The following RBFOX1 variants were observed in gnomAD, a reference collection of about 807,000 sequenced individuals.
RBFOX1 encodes RNA binding fox-1 homolog 1.
A neutral mutation model predicts 57.7 loss-of-function variants in RBFOX1; 8 were observed. That is an observed-to-expected ratio of 0.14 (90% CI 0.08 to 0.25). The LOEUF is 0.25. RBFOX1 is among the 10% of genes least tolerant of loss of function. RBFOX1 has a pLI of 1.00. For missense variants in RBFOX1, 611 were observed against 548.5 expected (o/e 1.11, Z -1.14); for synonymous variants, 326 against 222.4 (o/e 1.47, Z -4.15).
At chr16:6,825,686 G>C (rs1479999455) in intron 3 of RBFOX1, among the ~76,000 whole-genome samples, 1 of 152,106 alleles carries the variant, frequency 6.6e-6, no homozygotes, top group South Asian at 2.1e-4. Flanking sequence ...GGTAACACAA[G>C]GAAAGAACCT....
chr16:7,474,543 C>A (rs531899698), intron 4 of RBFOX1, among the ~76,000 whole-genome samples: 1 of 152,150 alleles, frequency 6.6e-6, no homozygotes, highest in Non-Finnish European at 1.5e-5. Context: ...AAAGCAATTA[C>A]GGTTTTTGCC....
chr16:7,058,455 T>A (rs533189042), intron 4 of RBFOX1, among the ~76,000 whole-genome samples: 2 of 152,206 alleles, frequency 1.3e-5, no homozygotes. Flanking sequence ...CCTACTGAGA[T>A]AAAATCTAGA....
chr16:7,173,824 G>A (rs1034220821), intron 4 of RBFOX1, among the ~76,000 whole-genome samples: 3 of 152,176 alleles, frequency 2.0e-5, no homozygotes, highest in Non-Finnish European at 4.4e-5. Flanking sequence ...TCATACAACT[G>A]TTGTCCTATA....
chr16:6,251,325 G>A (rs1236363709), intron 1 of RBFOX1, among the ~76,000 whole-genome samples: 2 of 152,142 alleles, frequency 1.3e-5, no homozygotes, highest in African/African-American at 2.4e-5. Flanking sequence ...AGCCCTGCTT[G>A]TGACATGGGT....
chr16:7,269,251 A>G (rs28609705), intron 4 of RBFOX1, among the ~76,000 whole-genome samples: 5,885 of 152,184 alleles, frequency 0.039, 136 homozygotes, highest in South Asian at 0.078. Flanking sequence ...CCTGCTAGAC[A>G]TAGACACATA....
At chr16:6,260,630 C>G (rs913324548) in intron 1 of RBFOX1, among the ~76,000 whole-genome samples, 2 of 152,190 alleles carry the variant, frequency 1.3e-5, no homozygotes, top group African/African-American at 2.4e-5. Context: ...GTAATCCCAG[C>G]ACTTTGGGAG....
chr16:5,590,070 C>T (rs1288420406), intron 2 of RBFOX1, among the ~76,000 whole-genome samples: 4 of 97,680 alleles, frequency 4.1e-5, no homozygotes, highest in African/African-American at 4.9e-5. Flanking sequence ...CACACACACA[C>T]ACACACAAAA....
chr16:7,469,391 C>G (rs8057315), intron 4 of RBFOX1, among the ~76,000 whole-genome samples: 53,465 of 151,912 alleles, frequency 0.35, 10,469 homozygotes, highest in Non-Finnish European at 0.45. Context: ...ATTCCTAAAC[C>G]TATGAGGCTA....
chr16:7,033,578 T>C (rs1471143573), intron 3 of RBFOX1, among the ~76,000 whole-genome samples: 1 of 152,130 alleles, frequency 6.6e-6, no homozygotes, highest in Non-Finnish European at 1.5e-5. Flanking sequence ...CTGATCATCA[T>C]GGGTGATATG....
intron 14 of RBFOX1, among the ~76,000 whole-genome samples, chr16:7,684,206 A>G (rs903231840): frequency 6.6e-6 from 1 of 152,098 alleles, no homozygotes; most frequent in Non-Finnish European, 1.5e-5. Context: ...CAGTCACCAG[A>G]CAGAAATGAC....
intron 3 of RBFOX1, among the ~76,000 whole-genome samples, chr16:5,837,188 T>C: frequency 6.6e-6 from 1 of 150,646 alleles, no homozygotes; most frequent in East Asian, 1.9e-4. Flanking sequence ...TCCCACCTCC[T>C]CTCCTCCTCC....
At chr16:7,438,094 T>C (rs946487356) in intron 4 of RBFOX1, among the ~76,000 whole-genome samples, 2 of 152,174 alleles carry the variant, frequency 1.3e-5, no homozygotes, top group African/African-American at 4.8e-5. Context: ...CCGCGATGCT[T>C]GTCTGACATC....
At chr16:5,317,213 C>T (rs1260881630) in intron 1 of RBFOX1, among the ~76,000 whole-genome samples, 1 of 152,184 alleles carries the variant, frequency 6.6e-6, no homozygotes, top group Non-Finnish European at 1.5e-5. Context: ...CTCTCTCTCT[C>T]AATCTCTCGA....
chr16:5,729,303 A>G (rs1336703460), intron 3 of RBFOX1, among the ~76,000 whole-genome samples: 1 of 152,126 alleles, frequency 6.6e-6, no homozygotes, highest in Non-Finnish European at 1.5e-5. Flanking sequence ...TATGTGAGCA[A>G]GTCAGAAGTT....
chr16:5,618,168 T>A (rs569768347), intron 3 of RBFOX1, among the ~76,000 whole-genome samples: 1 of 152,200 alleles, frequency 6.6e-6, no homozygotes, highest in Non-Finnish European at 1.5e-5. Context: ...CTCTCCCTAC[T>A]CTGTCGTCTC....
chr16:6,052,248 C>A (rs2095559734), intron 1 of RBFOX1, among the ~76,000 whole-genome samples: 1 of 152,090 alleles, frequency 6.6e-6, no homozygotes, highest in African/African-American at 2.4e-5. Flanking sequence ...ATCCCTAACT[C>A]TTCTTACTTC....
chr16:6,621,512 C>T (rs949742678), intron 2 of RBFOX1, among the ~76,000 whole-genome samples: 17 of 152,174 alleles, frequency 1.1e-4, no homozygotes, highest in African/African-American at 4.1e-4. Flanking sequence ...TCATTAGTGT[C>T]AGGCTGTACC....
At chr16:6,071,798 G>C (rs529611974) in intron 1 of RBFOX1, among the ~76,000 whole-genome samples, 26 of 152,264 alleles carry the variant, frequency 1.7e-4, no homozygotes, top group African/African-American at 6.0e-4. Context: ...CTATGAGCTT[G>C]TCTATTGCAG....
chr16:7,058,236 A>G (rs924578792), intron 4 of RBFOX1, among the ~76,000 whole-genome samples: 1 of 152,024 alleles, frequency 6.6e-6, no homozygotes, highest in Non-Finnish European at 1.5e-5. Context: ...TCCCCTTTCC[A>G]TTGTCTCTCT....
Sources: gnomAD v4.1 joint callset for allele counts (sites outside exome capture counted in the v4.1 genomes callset) on GRCh38, gnomAD v4.1.1 for gene constraint, MANE v1.5 for transcripts, NCBI Gene and HGNC (gene_info 2026-07-23, HGNC 2026-07-21) for gene names.